The following SCEL variants were observed in gnomAD, a reference collection of about 807,000 sequenced individuals.
SCEL encodes sciellin.
SCEL carries 113 observed loss-of-function variants against 117.6 expected under a neutral mutation model. The ratio of observed to expected loss-of-function variants is 0.96; its 90% confidence interval spans 0.83 to 1.12. SCEL has a LOEUF of 1.12. Ranked by LOEUF, SCEL falls within the 50% of genes most tolerant of loss-of-function variation. The pLI is 0.00. For missense variants in SCEL, 785 were observed against 810.8 expected, an observed-to-expected ratio of 0.97 and a Z score of 0.39; for synonymous variants, 270 against 256.2, an observed-to-expected ratio of 1.05 and a Z score of -0.51.
chr13:77,617,952 A>G lies in SCEL; in HGVS notation c.1572-52A>G. ...AATGTTGCTTTATTGACCTAGCACA[A>G]CCCCAAAATCTATTACCAATCTGAA... On this transcript the variant is annotated intron_variant, in intron 26 of 32. Transcript: ENST00000349847. 3 of 1,594,622 alleles carry G rather than the reference A, an allele frequency of 1.9e-6. No homozygotes were observed. In the Admixed American group the frequency reaches 5.0e-5, roughly 27 times the overall value.
At chr13:77,545,597 T>C (rs190818604) in intron 1 of SCEL, among the ~76,000 whole-genome samples, 329 of 152,342 alleles carry the variant, frequency 2.2e-3, no homozygotes, top group African/African-American at 7.3e-3. Flanking sequence ...GTAAAATGTC[T>C]GCGGAAGTAG....
rs1229495625 is a variant in SCEL, at chr13:77,563,967, G to C, written c.290+68G>C. On this transcript the variant is annotated intron_variant, in intron 5 of 32. Coordinates refer to ENST00000349847, the MANE Select transcript of SCEL (RefSeq NM_144777.3). ...TAAATACATTTTCTAATAAAGTTAT[G>C]AAGTATTTAAAAGTTTACCAAAATA... is the stretch of plus-strand genomic sequence containing the variant. 1.6e-5 allele frequency: 18 copies of C among 1,137,112 alleles called. No individual in the cohort carries two copies. The East Asian group carries it at 4.0e-4, about 25-fold the overall frequency. The allele number at this position is 1,137,112 out of a possible 1,614,324, so 70.4% of individuals were successfully genotyped here.
At chr13:77,554,258 G>A (rs1338034770) in intron 1 of SCEL, among the ~76,000 whole-genome samples, 1 of 152,112 alleles carries the variant, frequency 6.6e-6, no homozygotes, top group Non-Finnish European at 1.5e-5. Context: ...TTTTTATCCC[G>A]AGTCAGTCAG....
chr13:77,581,751 A>G (rs1046586760), intron 9 of SCEL, among the ~76,000 whole-genome samples: 1 of 152,228 alleles, frequency 6.6e-6, no homozygotes, highest in African/African-American at 2.4e-5. Context: ...TCTATCGACT[A>G]GAGATTGTAA....
At chr13:77,554,053 C>T (rs1304412501) in intron 1 of SCEL, among the ~76,000 whole-genome samples, 4 of 152,018 alleles carry the variant, frequency 2.6e-5, no homozygotes, top group Non-Finnish European at 5.9e-5. Flanking sequence ...TCCCAGAAGC[C>T]GTTTCTGAGA....
chr13:77,592,464 A>G (rs993999174), intron 11 of SCEL, among the ~76,000 whole-genome samples: 4 of 151,982 alleles, frequency 2.6e-5, no homozygotes, highest in Non-Finnish European at 5.9e-5. Context: ...AGTCGGTTAC[A>G]TTTCCCAACT....
intron 4 of SCEL, among the ~76,000 whole-genome samples, chr13:77,561,721 G>A (rs886828779): frequency 2.6e-5 from 4 of 152,214 alleles, no homozygotes; most frequent in Non-Finnish European, 5.9e-5. Context: ...TATAGTAGAG[G>A]TGTGTGAGTG....
chr13:77,552,293 T>C (rs1764952921), intron 1 of SCEL, among the ~76,000 whole-genome samples: 1 of 150,328 alleles, frequency 6.7e-6, no homozygotes, highest in African/African-American at 2.4e-5. Context: ...ATGGTTGAAC[T>C]AGTTTACAGT....
At chr13:77,556,486 C>G in intron 2 of SCEL, 110 bp from the exon 3 acceptor site, 3 of 852,150 alleles carry the variant, frequency 3.5e-6, no homozygotes, top group Non-Finnish European at 4.0e-6. Flanking sequence ...ACTTGCCAGC[C>G]CAGATTGATG....
chr13:77,535,744 C>T lies in SCEL; in HGVS notation c.-100C>T, dbSNP rs1316261699. 6.6e-6 allele frequency: 1 copy of T among 152,154 alleles called. No homozygotes were observed. Among genetic ancestry groups the T allele is most frequent in the African/African-American group, 2.4e-5 (1 of 41,428 alleles). 9.4% of individuals were successfully genotyped at this position (152,154 alleles called of 1,614,324 possible). Reference sequence around the variant, plus strand: ...GACTCCACTGAATAAACTCTAGGTTCCCATTTCTTTCAGCCAGATCCTCCC... The same window carrying T: ...GACTCCACTGAATAAACTCTAGGTTTCCATTTCTTTCAGCCAGATCCTCCC... On this transcript the variant is annotated 5_prime_UTR_variant, in exon 1 of 33. Transcript: ENST00000349847.
Position 77,617,805 on chromosome 13 carries a change from A to G in SCEL, c.1514A>G (p.Asn505Ser). 6.2e-7 allele frequency: 1 copy of G among 1,609,586 alleles called. No individual in the cohort carries two copies. Residue 505 changes from asparagine (N) to serine (S), a missense_variant and splice_region_variant, in exon 26 of 33, where the codon AAC (asparagine) becomes AGC (serine). Coordinates refer to ENST00000349847, the MANE Select transcript of SCEL (RefSeq NM_144777.3). Reference protein sequence around the residue: ...NPEIFTNNQRNQDLANLIKVN... With the variant: ...NPEIFTNNQRSQDLANLIKVN... ...TCATTTTATTTTTTGATTTAAAGAAACCAAGATCTTGCTAACCTCATCAAA... is the reference window on the plus strand; with the variant it reads ...TCATTTTATTTTTTGATTTAAAGAAGCCAAGATCTTGCTAACCTCATCAAA...
chr13:77,580,522 A>C (rs1241321124), intron 9 of SCEL, among the ~76,000 whole-genome samples: 1 of 152,162 alleles, frequency 6.6e-6, no homozygotes, highest in African/African-American at 2.4e-5. Flanking sequence ...CCTACCATTA[A>C]ATTTTTGTAT....
At position 77,644,358 on chromosome 13, in the gene SCEL, A is replaced by G; in HGVS notation, c.*84A>G. On this transcript the variant is annotated 3_prime_UTR_variant, in exon 33 of 33. Coordinates refer to ENST00000349847, the MANE Select transcript of SCEL (RefSeq NM_144777.3). ...TTATCTTAATAATATGTAATCTAGAAAAGCTTTCACATTGAAGATCAACTC... is the reference window on the plus strand; with the variant it reads ...TTATCTTAATAATATGTAATCTAGAGAAGCTTTCACATTGAAGATCAACTC... 2 of 1,374,086 alleles carry G rather than the reference A, an allele frequency of 1.5e-6. No individual in the cohort carries two copies. Among genetic ancestry groups the G allele is most frequent in the Non-Finnish European group, 2.0e-6 (2 of 975,812 alleles). The allele number at this position is 1,374,086 out of a possible 1,614,324, so 85.1% of individuals were successfully genotyped here.
chr13:77,570,382 G>A (rs529852962), intron 8 of SCEL, among the ~76,000 whole-genome samples: 80 of 152,322 alleles, frequency 5.3e-4, no homozygotes, highest in African/African-American at 1.9e-3. Context: ...TTTTAGGTCA[G>A]TCAGTTCCAT....
Position 77,644,541 on chromosome 13 carries a change from C to G in SCEL, c.*267C>G, listed in dbSNP as rs1201451611. 2.7e-6 allele frequency: 1 copy of G among 371,968 alleles called. No homozygotes were observed. The highest frequency in any genetic ancestry group is 4.9e-6 in the Non-Finnish European group (1 of 202,524). 23.0% of individuals were successfully genotyped at this position (371,968 alleles called of 1,614,324 possible). A position where few individuals can be genotyped will look rare whatever the true frequency, so the allele number is the denominator to read the frequency against. ...TGTCAAAGGAGTGATGCATTACACT[C>G]CAGCCAGGTCCATCCCTGCTCCGTA... On this transcript the variant is annotated 3_prime_UTR_variant, in exon 33 of 33. Transcript: ENST00000349847.
At chr13:77,544,824 T>C (rs2083906414) in intron 1 of SCEL, among the ~76,000 whole-genome samples, 1 of 152,210 alleles carries the variant, frequency 6.6e-6, no homozygotes, top group Non-Finnish European at 1.5e-5. Flanking sequence ...CGAAAGTTGA[T>C]TGATTTCATG....
intron 1 of SCEL, among the ~76,000 whole-genome samples, chr13:77,548,810 G>A (rs1212670545): frequency 6.6e-6 from 1 of 152,098 alleles, no homozygotes; most frequent in Non-Finnish European, 1.5e-5. Context: ...TTTGCCTTCT[G>A]CCATCATTGT....
chr13:77,570,348 A>G (rs926166814), intron 8 of SCEL, among the ~76,000 whole-genome samples: 10 of 152,230 alleles, frequency 6.6e-5, no homozygotes, highest in African/African-American at 9.6e-5. Context: ...TAGTAAAAAC[A>G]GATTCCTAAG....
chr13:77,644,067 A>C (rs2090686478), intron 32 of SCEL, among the ~76,000 whole-genome samples, 191 bp from the exon 33 acceptor site: 1 of 152,158 alleles, frequency 6.6e-6, no homozygotes, highest in East Asian at 1.9e-4. Context: ...CATCTCATAA[A>C]TATGCATACC....
Sources: allele counts gnomAD v4.1 joint callset (sites outside exome capture counted in the v4.1 genomes callset), GRCh38; gene constraint gnomAD v4.1.1; transcripts MANE v1.5; gene names NCBI Gene and HGNC (gene_info 2026-07-23, HGNC 2026-07-21).